TTN: variants seen among roughly 807,000 people sequenced by gnomAD.
The protein encoded by TTN is connectin.
In TTN, 1,525 loss-of-function variants were observed where a neutral mutation model predicts 3,223.0. That is an observed-to-expected ratio of 0.47 (90% confidence interval 0.45 to 0.49). TTN has a LOEUF of 0.49. Among genes scored for constraint, TTN ranks in the 20% least tolerant of loss-of-function variants. The pLI is 0.00. For missense variants in TTN, 40,786 were observed against 43,424.0 expected, an observed-to-expected ratio of 0.94 and a Z score of 5.40; for synonymous variants, 14,094 against 15,161.0, an observed-to-expected ratio of 0.93 and a Z score of 5.17.
At position 178,539,639 on chromosome 2, in the gene TTN, T is replaced by G. The variant is rs1060500398; in HGVS notation, c.98426A>C (p.Gln32809Pro). The change falls in exon 352 of 363, where the codon CAA becomes CCA. Residue 32809 changes from glutamine to proline, a missense_variant. Transcript: ENST00000589042. ...PEGPLEYDDI[Q>P]VRSVRVSWRP... ...CCAGCTGACCCTCACAGAGCGGACT[T>G]GGATGTCATCATATTCCAGTGGCCC... 5 of 1,613,664 alleles carry G rather than the reference T, an allele frequency of 3.1e-6. No individual in the cohort carries two copies. Among genetic ancestry groups the G allele is most frequent in the Non-Finnish European group, 4.2e-6 (5 of 1,179,790 alleles).
At chr2:178,800,359 TC>T (rs746583472) in intron 4 of TTN, 35 bp downstream of exon 4, 3 of 1,613,704 alleles carry the variant, frequency 1.9e-6, no homozygotes, top group Non-Finnish European at 2.5e-6. Context: ...ACCAGCTCTC[TC>T]CCCTTCTCTC....
In TTN at chr2:178,770,215, T is replaced by A. The variant is rs1272480712; in HGVS notation, c.8486A>T (p.His2829Leu). 15 of 1,614,148 alleles carry A rather than the reference T, an allele frequency of 9.3e-6. No homozygotes were observed. Among genetic ancestry groups the A allele is most frequent in the Non-Finnish European group, 1.2e-5 (14 of 1,180,004 alleles). Reference protein sequence around the residue: ...SHDTVPVKWFHKSVEIKPSDK... With the variant: ...SHDTVPVKWFLKSVEIKPSDK... Reference sequence around the variant, plus strand: ...ACTTGGCTTAATTTCCACACTCTTATGGAACCATTTTACTGGAACAGTGTC... The same window carrying A: ...ACTTGGCTTAATTTCCACACTCTTAAGGAACCATTTTACTGGAACAGTGTC... The change falls in exon 36 of 363, where the codon CAT (histidine) becomes CTT (leucine). Residue 2829 changes from histidine (H) to leucine (L), a missense_variant. By Grantham distance (99) the His-to-Leu change is moderately conservative (BLOSUM62 -3). Transcript: ENST00000589042.
intron 153 of TTN, 44 bp downstream of exon 153, chr2:178,672,591 A>G (rs749026956): frequency 6.2e-7 from 1 of 1,608,794 alleles, no homozygotes; most frequent in Non-Finnish European, 8.5e-7. Flanking sequence ...AGTCTTAACG[A>G]AAAAAGACAG....
chr2:178,608,734 C>G lies in TTN; in HGVS notation c.52277G>C (p.Arg17426Thr). 1 of 1,612,612 alleles carries G rather than the reference C, an allele frequency of 6.2e-7. No homozygotes were observed. Among genetic ancestry groups the G allele is most frequent in the Non-Finnish European group, 8.5e-7 (1 of 1,179,232 alleles). ...TTTTGTTACTGAATATTTGCAATGTCTAAGTGTTGAAGTGACAACAATCCA... is the reference window on the plus strand; with the variant it reads ...TTTTGTTACTGAATATTTGCAATGTGTAAGTGTTGAAGTGACAACAATCCA... ...SEWIVVTSTL[R>T]HCKYSVTKLI... The change falls in exon 274 of 363, where the codon AGA becomes ACA. Residue 17426 changes from arginine to threonine, a missense_variant. Transcript: ENST00000589042.
rs757984420 is a variant in TTN at position 178,570,658 on chromosome 2, T to C, written c.75474A>G (p.Leu25158=). 5 of 1,613,412 alleles carry C rather than the reference T, an allele frequency of 3.1e-6. No homozygotes were observed. The East Asian group carries it at 6.7e-5, about 22-fold the overall frequency. Residue 25158 remains leucine, a synonymous_variant, in exon 326 of 363, where the codon TTA becomes TTG. Transcript: ENST00000589042. ...TGGCAAAGTCGGTGCTCTTTATTTC[T>C]AATCGAGCTGTGTTTGAAAGCTCCT... The part of the protein sequence containing the change: ...GDQELSNTAR[L]EIKSTDFATS...
Position 178,585,074 on chromosome 2 carries a change from A to T in TTN, c.64670T>A (p.Met21557Lys). ...CATTTGTCTAATACTTAACTTACCC[A>T]TGACTACAACTTTGATTTTCTGAGT... ...TDTQKIKVVV[M>K]DAPGPPQPPF... Residue 21557 changes from methionine to lysine, a missense_variant and splice_region_variant, in exon 309 of 363, where the codon ATG (methionine) becomes AAG (lysine). Coordinates refer to ENST00000589042, the MANE Select transcript of TTN (RefSeq NM_001267550.2). 1 of 1,605,128 alleles carries T rather than the reference A, an allele frequency of 6.2e-7. No individual in the cohort carries two copies. The highest frequency in any genetic ancestry group is 8.5e-7 in the Non-Finnish European group (1 of 1,175,762).
intron 91 of TTN, 29 bp from the exon 92 acceptor site, chr2:178,714,204 T>C (rs752279431): frequency 1.9e-6 from 3 of 1,593,628 alleles, no homozygotes; most frequent in Non-Finnish European, 2.6e-6. Flanking sequence ...GATATCCATA[T>C]TTTAAACTCA....
At chr2:178,695,270 G>A (rs1301401723) in intron 115 of TTN, 78 bp downstream of exon 115, 2 of 1,167,332 alleles carry the variant, frequency 1.7e-6, no homozygotes, top group African/African-American at 3.1e-5. Context: ...TTGAACTGCT[G>A]ATTTATACAT....
At position 178,578,732 on chromosome 2, in the gene TTN, A is replaced by G. The variant is rs1425927741; in HGVS notation, c.68225-17T>C. 6.2e-7 allele frequency: 1 copy of G among 1,605,096 alleles called. No homozygotes were observed. Among genetic ancestry groups the G allele is most frequent in the East Asian group, 2.2e-5 (1 of 44,604 alleles). Reference sequence around the variant, plus strand: ...CAGGCACATCTAGAAAAAAGTAGATAATGCAAGATTTATAATAAGAAGCCT... The same window carrying G: ...CAGGCACATCTAGAAAAAAGTAGATGATGCAAGATTTATAATAAGAAGCCT... On this transcript the variant is annotated splice_polypyrimidine_tract_variant and intron_variant, in intron 320 of 362. Transcript: ENST00000589042.
intron 217 of TTN, 153 bp from the exon 218 acceptor site, chr2:178,644,769 A>T: frequency 3.7e-6 from 2 of 542,162 alleles, no homozygotes; most frequent in Non-Finnish European, 6.2e-6. Context: ...TACAAGCAGC[A>T]TTCGAACCAT....
rs1402495129 is a variant in TTN at position 178,667,051 on chromosome 2, T to C, written c.35798-150A>G. 3 of 915,214 alleles carry C rather than the reference T, an allele frequency of 3.3e-6. No homozygotes were observed. The African/African-American group carries it at 5.1e-5, about 15-fold the overall frequency. 56.7% of individuals were successfully genotyped at this position (915,214 alleles called of 1,614,324 possible). A position where few individuals can be genotyped will look rare whatever the true frequency, so the allele number is the denominator to read the frequency against. The stretch of plus-strand genomic sequence containing the variant: ...TCTAATATTTTATCTTTGTATATTA[T>C]ATGTGTGGGACTTGACTTTCTTGGG... On this transcript the variant is annotated intron_variant, in intron 162 of 362. Transcript: ENST00000589042.
intron 236 of TTN, among the ~76,000 whole-genome samples, chr2:178,631,789 A>G (rs1338383716): frequency 6.6e-6 from 1 of 152,104 alleles, no homozygotes; most frequent in African/African-American, 2.4e-5. Context: ...AAATTATGTA[A>G]TATCTTCTCT....
chr2:178,723,413 C>G lies in TTN; in HGVS notation c.21682+5G>C, dbSNP rs1482085978. The G allele has an allele frequency of 6.2e-7, 1 of 1,608,814 alleles. No homozygotes were observed. The highest frequency in any genetic ancestry group is 8.5e-7 in the Non-Finnish European group (1 of 1,177,078). On this transcript the variant is annotated splice_donor_5th_base_variant and intron_variant, in intron 74 of 362. Coordinates refer to ENST00000589042, the MANE Select transcript of TTN (RefSeq NM_001267550.2). ...AACAGAAAAAGTGAATCCACTTGAG[C>G]AAACCTTTCACAAAGAGACGGGTAG... is the stretch of plus-strand genomic sequence containing the variant.
Position 178,651,649 on chromosome 2 carries a change from G to C in TTN, c.39463+17C>G. 2.5e-6 allele frequency: 4 copies of C among 1,613,008 alleles called. No homozygotes were observed. Among genetic ancestry groups the C allele is most frequent in the Non-Finnish European group, 3.4e-6 (4 of 1,179,440 alleles). ...AAGAAAGTTTTTTGTTAGGGAGTTA[G>C]TGGCAGTGAGGAATACCTTTCACTG... On this transcript the variant is annotated intron_variant, in intron 206 of 362. Transcript: ENST00000589042.
Position 178,673,748 on chromosome 2 carries a change from T to C in TTN, c.34709-38A>G, listed in dbSNP as rs772635715. 6.0e-6 allele frequency: 9 copies of C among 1,496,212 alleles called. No individual in the cohort carries two copies. The South Asian group carries it at 6.2e-5, about 10-fold the overall frequency. The allele number at this position is 1,496,212 out of a possible 1,614,324, so 92.7% of individuals were successfully genotyped here. A position where few individuals can be genotyped will look rare whatever the true frequency, so the allele number is the denominator to read the frequency against. Reference sequence around the variant, plus strand: ...TTTATGAACATTTTGAAAAGTGGCATGTGATGAGCAGAACACCACCCATAT... The same window carrying C: ...TTTATGAACATTTTGAAAAGTGGCACGTGATGAGCAGAACACCACCCATAT... On this transcript the variant is annotated intron_variant, in intron 151 of 362. Coordinates refer to ENST00000589042, the MANE Select transcript of TTN (RefSeq NM_001267550.2).
chr2:178,636,765 G>T lies in TTN; in HGVS notation c.40962C>A (p.Ala13654=), dbSNP rs917199946. 6.2e-7 allele frequency: 1 copy of T among 1,605,100 alleles called. No individual in the cohort carries two copies. Among genetic ancestry groups the T allele is most frequent in the Admixed American group, 1.7e-5 (1 of 59,212 alleles). ...VPKKTPSPIE[A]ERRKLRPGSG... is the part of the protein sequence containing the mutation. ...TTCCTGGCCTTAACTTTCTCCTTTC[G>T]GCTTCTATTGGTGAAGGAGTCTTTT... The change falls in exon 225 of 363, where the codon GCC becomes GCA. Residue 13654 remains alanine (A), a synonymous_variant. Transcript: ENST00000589042. The surrounding 1 kb of genome is among the most constrained non-coding windows in gnomAD (Gnocchi z 4.3).
chr2:178,567,387 C>T lies in TTN; in HGVS notation c.78745G>A (p.Ala26249Thr). The part of the protein sequence containing the change: ...RCEIKNTDFK[A>T]LLIVKDAIRI... ...ATTGCATCTTTTACAATAAGTAAAG[C>T]CTTGAAATCTGTGTTCTTTATTTCA... Residue 26249 changes from alanine (A) to threonine (T), a missense_variant, in exon 326 of 363, where the codon GCT (alanine) becomes ACT (threonine). Physicochemically the swap from Ala to Thr is moderately conservative, Grantham distance 58 (BLOSUM62 0). Coordinates refer to ENST00000589042, the MANE Select transcript of TTN (RefSeq NM_001267550.2). 6.3e-7 allele frequency: 1 copy of T among 1,598,288 alleles called. No individual in the cohort carries two copies. The highest frequency in any genetic ancestry group is 8.5e-7 in the Non-Finnish European group (1 of 1,173,290).
In TTN at chr2:178,619,849, G is replaced by T; in HGVS notation, c.46468C>A (p.Leu15490Ile). ...ACAACATCAGCACCAGGGGCTTCAA[G>T]AATATCTTGTGGAGGCCTGATGATC... The part of the protein sequence containing the change: ...VEIIRPPQDI[L>I]EAPGADVVFL... The change falls in exon 250 of 363, where the codon CTT becomes ATT. Residue 15490 changes from leucine (L) to isoleucine (I), a missense_variant. Physicochemically the swap from Leu to Ile is conservative, Grantham distance 5. Transcript: ENST00000589042. 1 of 1,611,842 alleles carries T rather than the reference G, an allele frequency of 6.2e-7. No homozygotes were observed. Among genetic ancestry groups the T allele is most frequent in the African/African-American group, 1.3e-5 (1 of 74,874 alleles).
rs538623758 is a variant in TTN, at chr2:178,536,349, A to G, written c.100398T>C (p.Arg33466=). The part of the protein sequence containing the change: ...NLIEGLEYEF[R]VKCENLGGES... ...CCCCACCTAGATTTTCACATTTCAC[A>G]CGAAACTCGTATTCAAGACCTTCAA... The change falls in exon 357 of 363, where the codon CGT becomes CGC. Residue 33466 remains arginine, a synonymous_variant. Coordinates refer to ENST00000589042, the MANE Select transcript of TTN (RefSeq NM_001267550.2). 8.1e-6 allele frequency: 13 copies of G among 1,613,808 alleles called. No homozygotes were observed. In the South Asian group the frequency reaches 1.1e-4, roughly 14 times the overall value.
Sources: gnomAD v4.1 joint callset for allele counts (sites outside exome capture counted in the v4.1 genomes callset) on GRCh38, gnomAD v4.1.1 for gene constraint, Gnocchi (gnomAD v3.1) non-coding constraint, MANE v1.5 for transcripts, NCBI Gene and HGNC (gene_info 2026-07-23, HGNC 2026-07-21) for gene names.